The following STXBP5L variants were observed in gnomAD, a reference collection of about 807,000 sequenced individuals.
The protein encoded by STXBP5L is syntaxin binding protein 5L.
STXBP5L carries 65 observed loss-of-function variants against 144.5 expected under a neutral mutation model. That is an observed-to-expected ratio of 0.45 (90% CI 0.37 to 0.55). The LOEUF is 0.55. Ranked by LOEUF, STXBP5L falls within the 20% of genes least tolerant of loss-of-function variation. The pLI, the probability that STXBP5L is intolerant of heterozygous loss-of-function variation, is 0.00. For synonymous variants in STXBP5L, 505 were observed against 469.6 expected (o/e 1.08, Z -0.97); for missense variants, 1,298 against 1,405.5 (o/e 0.92, Z 1.22).
In STXBP5L at chr3:121,301,147, A is replaced by G. The variant is rs1049518653; in HGVS notation, c.2111-17328A>G. Reference sequence around the variant, plus strand: ...ATAAATTACCTTGGGCAGTATGGCCATTTTCACGATATTGATTCTTCCTAC... The same window carrying G: ...ATAAATTACCTTGGGCAGTATGGCCGTTTTCACGATATTGATTCTTCCTAC... On this transcript the variant is annotated intron_variant, in intron 19 of 26. Transcript: ENST00000471454. 3.1e-4 allele frequency among the ~76,000 whole-genome samples: 47 copies of G among 152,090 alleles called. 1 individual carries two copies. Among genetic ancestry groups the G allele is most frequent in the Non-Finnish European group, 6.0e-4 (41 of 68,022 alleles).
intron 5 of STXBP5L, among the ~76,000 whole-genome samples, chr3:121,068,682 C>G (rs956192778): frequency 6.6e-6 from 1 of 151,796 alleles, no homozygotes; most frequent in Non-Finnish European, 1.5e-5. Context: ...CGTTTTAAAC[C>G]CTATAATACA....
chr3:121,205,480 A>G (rs955146105), intron 9 of STXBP5L, among the ~76,000 whole-genome samples: 9 of 152,216 alleles, frequency 5.9e-5, no homozygotes, highest in African/African-American at 1.9e-4. Flanking sequence ...CTCATTCTCA[A>G]TACTGTTGCA....
At chr3:121,055,309 A>G (rs1948376269) in intron 5 of STXBP5L, among the ~76,000 whole-genome samples, 1 of 152,116 alleles carries the variant, frequency 6.6e-6, no homozygotes, top group South Asian at 2.1e-4. Context: ...ATTCTCCAAA[A>G]CATCTGATAT....
chr3:121,037,739 T>G (rs1946860217), intron 3 of STXBP5L, among the ~76,000 whole-genome samples: 1 of 152,088 alleles, frequency 6.6e-6, no homozygotes, highest in Non-Finnish European at 1.5e-5. Context: ...ATTGGCATTA[T>G]TTTTTCCTCT....
chr3:121,302,791 T>C (rs1242296019), intron 19 of STXBP5L, among the ~76,000 whole-genome samples: 1 of 152,182 alleles, frequency 6.6e-6, no homozygotes, highest in African/African-American at 2.4e-5. Flanking sequence ...AAGGATTCCC[T>C]ATTTAATAAA....
At chr3:121,269,065 A>G (rs1473312178) in intron 18 of STXBP5L, among the ~76,000 whole-genome samples, 1 of 152,118 alleles carries the variant, frequency 6.6e-6, no homozygotes, top group Admixed American at 6.6e-5. Context: ...AGAACAGATT[A>G]TTAGTTATAT....
intron 5 of STXBP5L, among the ~76,000 whole-genome samples, chr3:121,051,838 T>A (rs1442481050): frequency 6.6e-6 from 1 of 151,980 alleles, no homozygotes; most frequent in Admixed American, 6.6e-5. Context: ...GATAGACCGC[T>A]AGCAAGACTA....
At chr3:120,976,382 G>C (rs994541352) in intron 3 of STXBP5L, among the ~76,000 whole-genome samples, 18 of 152,232 alleles carry the variant, frequency 1.2e-4, no homozygotes, top group Middle Eastern at 3.4e-3. Context: ...TGTGGGATTG[G>C]TGGTGATATC....
chr3:121,112,860 G>A lies in STXBP5L; in HGVS notation c.471-2065G>A, dbSNP rs559787288. Among the ~76,000 whole-genome samples the A allele has an allele frequency of 3.3e-5, 5 of 152,246 alleles. No homozygotes were observed. In the East Asian group the frequency reaches 7.7e-4, roughly 23 times the overall value. ...AATACAATAAATTAAGTTGTATAAA[G>A]GTATTGACTAATCATATATTAGAGC... On this transcript the variant is annotated intron_variant, in intron 5 of 26. Coordinates refer to ENST00000471454, the MANE Select transcript of STXBP5L (RefSeq NM_001308330.2).
chr3:120,951,508 A>G (rs1007366961), intron 2 of STXBP5L, among the ~76,000 whole-genome samples: 7 of 152,092 alleles, frequency 4.6e-5, no homozygotes, highest in Non-Finnish European at 1.0e-4. Context: ...ATGAACAGAC[A>G]CTTCTCAAAA....
At chr3:121,353,146 T>C (rs925385530) in intron 20 of STXBP5L, among the ~76,000 whole-genome samples, 1 of 152,200 alleles carries the variant, frequency 6.6e-6, no homozygotes, top group Non-Finnish European at 1.5e-5. Context: ...AAATTCTCTT[T>C]TTTTGTTGTG....
At chr3:121,356,014 G>T (rs546050562) in intron 20 of STXBP5L, among the ~76,000 whole-genome samples, 39 of 152,352 alleles carry the variant, frequency 2.6e-4, no homozygotes, top group South Asian at 6.2e-4. Flanking sequence ...GGTATCACCA[G>T]TGGAGGCTGC....
chr3:121,316,257 A>G (rs1407046157), intron 19 of STXBP5L, among the ~76,000 whole-genome samples: 2 of 152,192 alleles, frequency 1.3e-5, no homozygotes, highest in African/African-American at 4.8e-5. Flanking sequence ...TTATTGTTAG[A>G]TCCATATTCA....
At chr3:120,908,832 G>T (rs1258922850) in intron 1 of STXBP5L, among the ~76,000 whole-genome samples, 1 of 149,790 alleles carries the variant, frequency 6.7e-6, no homozygotes, top group African/African-American at 2.5e-5. Context: ...ATGGGGAGAG[G>T]GGGGAAAGAG....
intron 3 of STXBP5L, among the ~76,000 whole-genome samples, chr3:120,970,809 C>T (rs1354943205): frequency 6.6e-6 from 1 of 151,834 alleles, no homozygotes; most frequent in African/African-American, 2.4e-5. Context: ...TGTTTTTTTC[C>T]ATTCTAGGGG....
chr3:121,233,533 T>C (rs2049373115), intron 11 of STXBP5L, 83 bp from the exon 12 acceptor site: 1 of 937,594 alleles, frequency 1.1e-6, no homozygotes, highest in South Asian at 2.0e-5. Flanking sequence ...ATAATATTTG[T>C]ATAGGGATAA....
chr3:121,216,406 CTGTT>C (rs1189053470), intron 10 of STXBP5L, among the ~76,000 whole-genome samples: 1 of 152,170 alleles, frequency 6.6e-6, no homozygotes, highest in African/African-American at 2.4e-5. Flanking sequence ...CTATTCCTTT[CTGTT>C]TGTCAGTTTT....
intron 20 of STXBP5L, among the ~76,000 whole-genome samples, chr3:121,337,507 C>T (rs960934570): frequency 6.9e-6 from 1 of 145,292 alleles, no homozygotes; most frequent in Non-Finnish European, 1.5e-5. Context: ...GAAGATATTA[C>T]AATCCTTAAT....
chr3:121,308,685 A>C (rs2043422442), intron 19 of STXBP5L, among the ~76,000 whole-genome samples: 1 of 152,184 alleles, frequency 6.6e-6, no homozygotes, highest in Admixed American at 6.5e-5. Flanking sequence ...TGGATTCACC[A>C]GAACAAATAA....
Sources: allele counts gnomAD v4.1 joint callset (sites outside exome capture counted in the v4.1 genomes callset), GRCh38; gene constraint gnomAD v4.1.1; transcripts MANE v1.5; gene names NCBI Gene and HGNC (gene_info 2026-07-23, HGNC 2026-07-21).